The following ZNF623 variants were observed in gnomAD, a reference collection of about 807,000 sequenced individuals.
The protein encoded by ZNF623 is zinc finger protein 623.
In ZNF623, 16 loss-of-function variants were observed where a neutral mutation model predicts 24.0. That is an observed-to-expected ratio of 0.67 (90% confidence interval 0.45 to 1.01). ZNF623 has a LOEUF of 1.01. ZNF623 is among the 50% of genes least tolerant of loss of function. ZNF623 has a pLI of 0.00. For missense variants in ZNF623, 566 were observed against 606.5 expected, an observed-to-expected ratio of 0.93 and a Z score of 0.70; for synonymous variants, 224 against 219.8, an observed-to-expected ratio of 1.02 and a Z score of -0.17.
intron 1 of ZNF623, among the ~76,000 whole-genome samples, chr8:143,640,371 C>T (rs1169476896): frequency 6.6e-6 from 1 of 152,178 alleles, no homozygotes; most frequent in East Asian, 1.9e-4. Context: ...GTGTGACTGG[C>T]AGTTTCTTAA....
chr8:143,640,940 T>C (rs1293944934), intron 1 of ZNF623, among the ~76,000 whole-genome samples: 2 of 62,580 alleles, frequency 3.2e-5, no homozygotes, highest in Non-Finnish European at 5.5e-5. Flanking sequence ...AACTCTGTCT[T>C]TAAAAAAAAA....
chr8:143,637,254 G>GTCCAGAT (rs1814946391), intron 1 of ZNF623, among the ~76,000 whole-genome samples: 1 of 152,232 alleles, frequency 6.6e-6, no homozygotes, highest in East Asian at 1.9e-4. Context: ...GGGCAAGGAG[G>GTCCAGAT]TCCAGATGTT....
chr8:143,650,599 G>A lies in ZNF623; in HGVS notation c.607G>A (p.Gly203Ser). 6.2e-7 allele frequency: 1 copy of A among 1,614,172 alleles called. No homozygotes were observed. The highest frequency in any genetic ancestry group is 2.2e-5 in the East Asian group (1 of 44,884). ...RPFECKECGK[G>S]FSQSSLLIRH... ...TTTTGAATGCAAAGAGTGTGGGAAA[G>A]GCTTCAGTCAGAGCTCCTTACTTAT... is the stretch of plus-strand genomic sequence containing the variant. Residue 203 changes from glycine (G) to serine (S), a missense_variant, in exon 2 of 2, where the codon GGC becomes AGC. Transcript: ENST00000526926. The surrounding 1 kb of genome is among the most constrained non-coding windows in gnomAD (Gnocchi z 5.2).
chr8:143,647,430 G>A (rs1815201602), intron 1 of ZNF623, among the ~76,000 whole-genome samples: 2 of 152,200 alleles, frequency 1.3e-5, no homozygotes, highest in Non-Finnish European at 2.9e-5. Context: ...CCAAAGTGCT[G>A]GGATTACAGG....
chr8:143,647,581 G>A (rs1301106913), intron 1 of ZNF623, among the ~76,000 whole-genome samples: 3 of 152,310 alleles, frequency 2.0e-5, no homozygotes, highest in Middle Eastern at 3.4e-3. Flanking sequence ...CTACGAAAGT[G>A]CAAAGGCTCC....
At chr8:143,643,299 G>A (rs896936) in intron 1 of ZNF623, among the ~76,000 whole-genome samples, 5 of 152,250 alleles carry the variant, frequency 3.3e-5, no homozygotes, top group Admixed American at 3.3e-4. Context: ...TACAGTTGCA[G>A]CTTTGCGTGA....
chr8:143,650,185 A>G lies in ZNF623; in HGVS notation c.193A>G (p.Ile65Val), dbSNP rs139397709. Residue 65 changes from isoleucine (I) to valine (V), a missense_variant, in exon 2 of 2, where the codon ATT becomes GTT. This residue lies in a region of ZNF623 where 313 missense variants were observed against 300.4 expected (regional missense o/e 1.04). Transcript: ENST00000526926. The surrounding 1 kb of genome is among the most constrained non-coding windows in gnomAD (Gnocchi z 5.2). Reference protein sequence around the residue: ...QVCTKSGRNHILNSDLLLLQR... With the variant: ...QVCTKSGRNHVLNSDLLLLQR... ...GTGCACCAAGTCAGGAAGAAACCAT[A>G]TTCTGAACTCAGACCTTCTTCTGCT... 525 of 1,614,224 alleles carry G rather than the reference A, an allele frequency of 3.3e-4. 6 individuals carry two copies. The East Asian group carries it at 0.011, about 34-fold the overall frequency.
chr8:143,637,862 A>G (rs1352681103), intron 1 of ZNF623, among the ~76,000 whole-genome samples: 1 of 152,052 alleles, frequency 6.6e-6, no homozygotes, highest in Non-Finnish European at 1.5e-5. Context: ...GTGATGTTTT[A>G]TCCAGCAAAT....
intron 1 of ZNF623, among the ~76,000 whole-genome samples, chr8:143,638,873 AC>A (rs1471578842): frequency 6.6e-6 from 1 of 151,850 alleles, no homozygotes; most frequent in African/African-American, 2.4e-5. Context: ...CAAGAAACCA[AC>A]ATCTCCACCC....
chr8:143,650,627 G>C lies in ZNF623; in HGVS notation c.635G>C (p.Arg212Pro). Residue 212 changes from arginine (R) to proline (P), a missense_variant, in exon 2 of 2, where the codon CGC (arginine) becomes CCC (proline). Physicochemically the swap from Arg to Pro is moderately radical, Grantham distance 103 (BLOSUM62 -2). Transcript: ENST00000526926. The surrounding 1 kb of genome is among the most constrained non-coding windows in gnomAD (Gnocchi z 5.2). ...KGFSQSSLLI[R>P]HQRIHTGERP... The stretch of plus-strand genomic sequence containing the variant: ...TTCAGTCAGAGCTCCTTACTTATTC[G>C]CCATCAGAGGATTCACACGGGAGAA... The C allele has an allele frequency of 6.2e-7, 1 of 1,613,138 alleles. No individual in the cohort carries two copies. The highest frequency in any genetic ancestry group is 1.7e-5 in the Admixed American group (1 of 59,926).
At position 143,653,264 on chromosome 8, in the gene ZNF623, T is replaced by C. The variant is rs1217437249; in HGVS notation, c.*1781T>C. 6 of 167,080 alleles carry C rather than the reference T, an allele frequency of 3.6e-5. No homozygotes were observed. The highest frequency in any genetic ancestry group is 7.2e-5 in the African/African-American group (3 of 41,434). The allele number at this position is 167,080 out of a possible 1,614,324, so 10.3% of individuals were successfully genotyped here. ...CCCAAAGTCCAGTTTTGTAACGATA[T>C]AATTTTTTTCTCATGAGGCCATATT... On this transcript the variant is annotated 3_prime_UTR_variant, in exon 2 of 2. Transcript: ENST00000526926.
At chr8:143,646,964 C>G (rs767019592) in intron 1 of ZNF623, among the ~76,000 whole-genome samples, 7 of 152,006 alleles carry the variant, frequency 4.6e-5, no homozygotes, top group Non-Finnish European at 7.4e-5. Context: ...CTGTGCCTGG[C>G]TTGATGGAGT....
chr8:143,647,669 G>C (rs1815205513), intron 1 of ZNF623, among the ~76,000 whole-genome samples: 1 of 152,256 alleles, frequency 6.6e-6, no homozygotes, highest in African/African-American at 2.4e-5. Flanking sequence ...AGGAGTCCAG[G>C]CCCAGTGGCC....
At chr8:143,648,783 C>T (rs945781483) in intron 1 of ZNF623, among the ~76,000 whole-genome samples, 18 of 152,026 alleles carry the variant, frequency 1.2e-4, no homozygotes, top group African/African-American at 3.6e-4. Context: ...TGGCAGGAGA[C>T]GTGGGAGGCA....
rs200227957 is a variant in ZNF623, at chr8:143,650,090, C to T, written c.98C>T (p.Ser33Phe). The change falls in exon 2 of 2, where the codon TCT (serine) becomes TTT (phenylalanine). Residue 33 changes from serine (S) to phenylalanine (F), a missense_variant. By Grantham distance (155) the Ser-to-Phe change is radical. Coordinates refer to ENST00000526926, the MANE Select transcript of ZNF623 (RefSeq NM_001261843.2). This position sits in a 1 kb window ranked among gnomAD's most constrained non-coding sequence, Gnocchi z 5.2. ...PEGQSLGSSP[S>F]QDRGCKQVTV... ...GGTCAGAGCCTGGGGAGTTCCCCCT[C>T]TCAGGACAGGGGCTGCAAGCAGGTG... 3 of 1,614,164 alleles carry T rather than the reference C, an allele frequency of 1.9e-6. No individual in the cohort carries two copies. The highest frequency in any genetic ancestry group is 1.6e-4 in the Middle Eastern group (1 of 6,062).
chr8:143,638,114 G>A (rs1308033224), intron 1 of ZNF623, among the ~76,000 whole-genome samples: 9 of 152,008 alleles, frequency 5.9e-5, no homozygotes, highest in Non-Finnish European at 1.0e-4. Flanking sequence ...CTCTAGAGGC[G>A]GGCAGATCAT....
intron 1 of ZNF623, among the ~76,000 whole-genome samples, chr8:143,641,108 C>T (rs1341253378): frequency 6.6e-6 from 1 of 152,146 alleles, no homozygotes; most frequent in African/African-American, 2.4e-5. Context: ...TCTCAAACCC[C>T]TCAAAGATTC....
chr8:143,651,424 G>GC lies in ZNF623; in HGVS notation c.1437dup (p.Ile480HisfsTer5). On this transcript the variant is annotated frameshift_variant, in exon 2 of 2. Transcript: ENST00000526926. LOFTEE classifies it high-confidence loss of function. ...CCAAGAGGGACTCTCCTTGAGTAAG[G>GC]CCCCCATACATTTGGGTGAGAGGTC... 6.2e-7 allele frequency: 1 copy of GC among 1,611,130 alleles called. No individual in the cohort carries two copies. Among genetic ancestry groups the GC allele is most frequent in the Non-Finnish European group, 8.5e-7 (1 of 1,179,052 alleles).
Position 143,651,414 on chromosome 8 carries a change from C to G in ZNF623, c.1422C>G (p.Ser474=), listed in dbSNP as rs140630158. The part of the protein sequence containing the change: ...NNQRVHQEGL[S]LSKAPIHLGE... ...AAAGGGTTCACCAAGAGGGACTCTC[C>G]TTGAGTAAGGCCCCCATACATTTGG... Residue 474 remains serine (S), a synonymous_variant, in exon 2 of 2, where the codon TCC becomes TCG. Transcript: ENST00000526926. The G allele has an allele frequency of 8.8e-5, 142 of 1,613,370 alleles. No individual in the cohort carries two copies. The East Asian group carries it at 3.1e-3, about 35-fold the overall frequency.
Sources: gnomAD v4.1 joint callset for allele counts (sites outside exome capture counted in the v4.1 genomes callset) on GRCh38, gnomAD v4.1.1 for gene constraint, gnomAD v4.1.1 regional missense constraint, Gnocchi (gnomAD v3.1) non-coding constraint, MANE v1.5 for transcripts, NCBI Gene and HGNC (gene_info 2026-07-23, HGNC 2026-07-21) for gene names.